Variants in DLG2 observed in about 807,000 individuals in gnomAD.
DLG2 encodes the protein disks large homolog 2.
Under a neutral mutation model 132.5 loss-of-function variants are expected in DLG2, and 45 were observed. The observed-to-expected ratio is 0.34, with a 90% CI of 0.27 to 0.44. The LOEUF is 0.44. DLG2 is among the 20% of genes least tolerant of loss of function. DLG2 has a pLI of 1.00. For synonymous variants in DLG2, 424 were observed against 419.6 expected (o/e 1.01, Z -0.13); for missense variants, 1,045 against 1,196.9 (o/e 0.87, Z 1.87).
intron 16 of DLG2, among the ~76,000 whole-genome samples, chr11:83,856,697 A>C (rs1316041665): frequency 6.6e-6 from 1 of 152,018 alleles, no homozygotes; most frequent in East Asian, 1.9e-4. Context: ...TTTTCTGTAC[A>C]TTCCTTTAAG....
intron 18 of DLG2, among the ~76,000 whole-genome samples, chr11:83,720,294 G>GAAAAAAAAAAAAAACAAAAAAAAAAAAA: frequency 3.7e-5 from 1 of 27,288 alleles, no homozygotes; most frequent in Non-Finnish European, 6.3e-5. Context: ...CTCCATCTCA[G>GAAAAAAAAAAAAAACAAAAAAAAAAAAA]AAAAAAAAAA....
intron 21 of DLG2, among the ~76,000 whole-genome samples, chr11:83,513,372 GTTGT>G (rs761618771): frequency 6.6e-6 from 1 of 152,174 alleles, no homozygotes; most frequent in African/African-American, 2.4e-5. Flanking sequence ...TGTTGATGGG[GTTGT>G]TTGTTTTATT....
intron 19 of DLG2, among the ~76,000 whole-genome samples, chr11:83,562,396 C>G (rs977852385): frequency 2.6e-5 from 4 of 152,012 alleles, no homozygotes; most frequent in Non-Finnish European, 5.9e-5. Context: ...CATAACTGAC[C>G]CTGTGATGCC....
intron 5 of DLG2, among the ~76,000 whole-genome samples, chr11:85,135,443 T>C (rs1337163314): frequency 1.3e-5 from 2 of 152,218 alleles, no homozygotes; most frequent in Non-Finnish European, 2.9e-5. Flanking sequence ...CAAGGTATCC[T>C]GGAAGATGAT....
chr11:84,493,014 G>C (rs1429655031), intron 7 of DLG2, among the ~76,000 whole-genome samples: 1 of 152,088 alleles, frequency 6.6e-6, no homozygotes, highest in East Asian at 1.9e-4. Context: ...TGGCCATTGG[G>C]TATGGGAAAG....
At chr11:83,936,512 G>A (rs1429438528) in intron 14 of DLG2, among the ~76,000 whole-genome samples, 2 of 152,178 alleles carry the variant, frequency 1.3e-5, no homozygotes, top group African/African-American at 2.4e-5. Flanking sequence ...AGATACCACA[G>A]TCTGCAAATA....
chr11:84,434,907 T>A, intron 7 of DLG2, among the ~76,000 whole-genome samples: 1 of 133,552 alleles, frequency 7.5e-6, no homozygotes, highest in Non-Finnish European at 1.6e-5. Context: ...AGAAATAAAC[T>A]GTCACCTACT....
intron 16 of DLG2, among the ~76,000 whole-genome samples, chr11:83,849,571 G>T (rs1229470827): frequency 7.9e-5 from 12 of 151,844 alleles, no homozygotes; most frequent in Admixed American, 5.9e-4. Context: ...GGGATAGAAA[G>T]AAATAATTTC....
chr11:84,448,810 A>G lies in DLG2; in HGVS notation c.519+85760T>C, dbSNP rs2099043164. ...ACACTCAAGAAAAGTAACATACCTT[A>G]TTTATTTTCGTATCCTCGGAGACCT... On this transcript the variant is annotated intron_variant, in intron 7 of 27. Coordinates refer to ENST00000376104, the MANE Select transcript of DLG2 (RefSeq NM_001142699.3). 1.3e-5 allele frequency among the ~76,000 whole-genome samples: 2 copies of G among 151,912 alleles called. 1 individual carries two copies. The highest frequency in any genetic ancestry group is 3.9e-4 in the East Asian group (2 of 5,192).
chr11:85,028,750 G>A (rs550717523), intron 6 of DLG2, among the ~76,000 whole-genome samples: 4 of 152,290 alleles, frequency 2.6e-5, no homozygotes, highest in Admixed American at 2.0e-4. Context: ...GCTGGAGAGG[G>A]ACACTTCCCA....
intron 10 of DLG2, among the ~76,000 whole-genome samples, chr11:84,062,734 TAA>T (rs1267719081): frequency 1.8e-4 from 10 of 55,278 alleles, no homozygotes; most frequent in African/African-American, 3.9e-4. Flanking sequence ...TTGATTGTTT[TAA>T]TTTTTTTTTT....
rs534903728 is a variant in DLG2 at position 84,777,804 on chromosome 11, T to C, written c.358-243073A>G. On this transcript the variant is annotated intron_variant, in intron 6 of 27. Transcript: ENST00000376104. The stretch of plus-strand genomic sequence containing the variant: ...TTTGCCCACTTTTTAATGGGATTAT[T>C]TGTTGATTTTGTTCAGTTGTTTGAG... Among the ~76,000 whole-genome samples, 91 of 152,230 alleles carry C rather than the reference T, an allele frequency of 6.0e-4. No homozygotes were observed. The South Asian group carries it at 0.011, about 18-fold the overall frequency.
intron 14 of DLG2, among the ~76,000 whole-genome samples, chr11:83,938,804 T>C (rs182096195): frequency 1.3e-5 from 2 of 152,330 alleles, no homozygotes; most frequent in East Asian, 3.9e-4. Context: ...ACAGGACACA[T>C]GTGCATAGAA....
At chr11:84,176,732 C>T (rs1016796068) in intron 8 of DLG2, among the ~76,000 whole-genome samples, 3 of 152,026 alleles carry the variant, frequency 2.0e-5, no homozygotes, top group Non-Finnish European at 4.4e-5. Context: ...GTCTCAGAGA[C>T]AGAATTTCTC....
rs1194859589 is a variant in DLG2 at position 84,078,773 on chromosome 11, T to C, written c.750-19289A>G. ...TAGCTTCTCTTTTCTTTTTATTCCA[T>C]ACTTTTTCAAGGCAATCTCTTAATT... On this transcript the variant is annotated intron_variant, in intron 10 of 27. Transcript: ENST00000376104. Among the ~76,000 whole-genome samples, 18 of 152,220 alleles carry C rather than the reference T, an allele frequency of 1.2e-4. 1 individual carries two copies. The highest frequency in any genetic ancestry group is 2.1e-4 in the South Asian group (1 of 4,828).
chr11:84,782,706 G>A (rs931952502), intron 6 of DLG2, among the ~76,000 whole-genome samples: 1 of 152,082 alleles, frequency 6.6e-6, no homozygotes, highest in Non-Finnish European at 1.5e-5. Flanking sequence ...ATTACATGGA[G>A]GAGTGGGATA....
At chr11:84,774,271 AAAAT>A (rs1301206512) in intron 6 of DLG2, among the ~76,000 whole-genome samples, 1 of 152,172 alleles carries the variant, frequency 6.6e-6, no homozygotes, top group Non-Finnish European at 1.5e-5. Context: ...ATACTGCAAA[AAAAT>A]AAATAAAAAA....
At chr11:84,419,900 T>C (rs1444959789) in intron 7 of DLG2, among the ~76,000 whole-genome samples, 1 of 152,218 alleles carries the variant, frequency 6.6e-6, no homozygotes, top group Non-Finnish European at 1.5e-5. Flanking sequence ...TCTGGAAGAA[T>C]CAACTACCTC....
intron 19 of DLG2, among the ~76,000 whole-genome samples, chr11:83,547,990 G>A (rs980539236): frequency 1.3e-5 from 2 of 152,136 alleles, no homozygotes; most frequent in African/African-American, 2.4e-5. Flanking sequence ...GATATTTCCA[G>A]TGAAGCTTTA....
Sources: gnomAD v4.1 joint callset for allele counts (sites outside exome capture counted in the v4.1 genomes callset) on GRCh38, gnomAD v4.1.1 for gene constraint, MANE v1.5 for transcripts, NCBI Gene and HGNC (gene_info 2026-07-23, HGNC 2026-07-21) for gene names.